RAD23B: variants seen among roughly 807,000 people sequenced by gnomAD.
RAD23B encodes the protein RAD23 nucleotide excision repair protein B, also known as lysine-specific demethylase RAD23B.
A neutral mutation model predicts 49.1 loss-of-function variants in RAD23B; 5 were observed. That is an observed-to-expected ratio of 0.10 (90% CI 0.05 to 0.21). The LOEUF is 0.21. Among genes scored for constraint, RAD23B ranks in the 10% least tolerant of loss-of-function variants. The pLI, the probability that RAD23B is intolerant of heterozygous loss-of-function variation, is 1.00. For missense variants in RAD23B, 356 were observed against 486.7 expected, an observed-to-expected ratio of 0.73 and a Z score of 2.53; for synonymous variants, 184 against 165.4, an observed-to-expected ratio of 1.11 and a Z score of -0.86.
At chr9:107,311,206 C>T (rs1254291222) in intron 4 of RAD23B, among the ~76,000 whole-genome samples, 1 of 152,150 alleles carries the variant, frequency 6.6e-6, no homozygotes, top group Admixed American at 6.5e-5. Flanking sequence ...TGAATATCTT[C>T]TTTCAGTGTC....
chr9:107,300,056 T>G, intron 1 of RAD23B, 85 bp from the exon 2 acceptor site: 1 of 1,472,372 alleles, frequency 6.8e-7, no homozygotes, highest in Non-Finnish European at 9.1e-7. Context: ...TGTATATAAT[T>G]TTTGTCTTCC....
At position 107,306,489 on chromosome 9, in the gene RAD23B, T is replaced by C; in HGVS notation, c.339T>C (p.Pro113=). 1 of 1,614,182 alleles carries C rather than the reference T, an allele frequency of 6.2e-7. No individual in the cohort carries two copies. The highest frequency in any genetic ancestry group is 8.5e-7 in the Non-Finnish European group (1 of 1,180,022). Residue 113 remains proline (P), a synonymous_variant, in exon 4 of 10, where the codon CCT becomes CCC. Coordinates refer to ENST00000358015, the MANE Select transcript of RAD23B (RefSeq NM_002874.5). The stretch of plus-strand genomic sequence containing the variant: ...CAACTGTGGCTCAGGCTCCAACCCC[T>C]GTCCCTGCCTTGGCCCCCACTTCCA... ...TTTTVAQAPT[P]VPALAPTSTP...
chr9:107,290,972 C>T (rs1564239758), intron 1 of RAD23B, among the ~76,000 whole-genome samples: 1 of 152,208 alleles, frequency 6.6e-6, no homozygotes, highest in African/African-American at 2.4e-5. Context: ...ACTACACCAT[C>T]TGTTCCCTGT....
rs540304447 is a variant in RAD23B at position 107,318,756 on chromosome 9, G to A, written c.558G>A (p.Thr186=). Residue 186 remains threonine, a synonymous_variant, in exon 6 of 10, where the codon ACG becomes ACA. Coordinates refer to ENST00000358015, the MANE Select transcript of RAD23B (RefSeq NM_002874.5). This position sits in a 1 kb window ranked among gnomAD's most constrained non-coding sequence, Gnocchi z 4.3. ...LFEDATSALV[T]GQSYENMVTE... ...CCCTCCACCCTCCCTTTTTAGTGAC[G>A]GGTCAGTCTTACGAGAATATGGTAA... 1.6e-4 allele frequency: 252 copies of A among 1,607,298 alleles called. No individual in the cohort carries two copies. Among genetic ancestry groups the A allele is most frequent in the Middle Eastern group, 3.3e-4 (2 of 6,038 alleles).
At chr9:107,317,846 C>T (rs945633855) in intron 5 of RAD23B, among the ~76,000 whole-genome samples, 2 of 152,020 alleles carry the variant, frequency 1.3e-5, no homozygotes, top group African/African-American at 4.8e-5. Flanking sequence ...GGAATATTAG[C>T]GCTTTGGGCA....
chr9:107,288,253 AT>A (rs1253146539), intron 1 of RAD23B, among the ~76,000 whole-genome samples: 1 of 152,164 alleles, frequency 6.6e-6, no homozygotes, highest in Non-Finnish European at 1.5e-5. Context: ...TTGCATGTTG[AT>A]TTATTTATTT....
intron 1 of RAD23B, among the ~76,000 whole-genome samples, chr9:107,298,562 C>T (rs4625087): frequency 0.74 from 108,652 of 146,034 alleles, 41,334 homozygotes; most frequent in African/African-American, 0.92. Context: ...AACTCCTGGC[C>T]TCAGGTGATC....
chr9:107,323,759 C>G, intron 7 of RAD23B, 131 bp from the exon 8 acceptor site: 1 of 904,618 alleles, frequency 1.1e-6, no homozygotes, highest in Non-Finnish European at 1.7e-6. Context: ...TCATTATTTA[C>G]TTCATTTTAT....
intron 3 of RAD23B, 116 bp downstream of exon 3, chr9:107,302,230 C>T (rs949521595): frequency 2.2e-6 from 3 of 1,347,190 alleles, no homozygotes; most frequent in African/African-American, 1.5e-5. Context: ...GTACACTTAA[C>T]TACTATGAAA....
Position 107,291,379 on chromosome 9 carries a change from T to A in RAD23B, c.66+7684T>A, listed in dbSNP as rs1040918622. Among the ~76,000 whole-genome samples the A allele has an allele frequency of 2.0e-5, 3 of 152,366 alleles. No homozygotes were observed. In the South Asian group the frequency reaches 6.2e-4, roughly 32 times the overall value. On this transcript the variant is annotated intron_variant, in intron 1 of 9. Coordinates refer to ENST00000358015, the MANE Select transcript of RAD23B (RefSeq NM_002874.5). Reference sequence around the variant, plus strand: ...ATTAAATTGGCATGAATTGGTTGGCTTAATTTCTGTGGGACAAATGGGTTT... The same window carrying A: ...ATTAAATTGGCATGAATTGGTTGGCATAATTTCTGTGGGACAAATGGGTTT...
At chr9:107,287,265 A>G (rs995794707) in intron 1 of RAD23B, among the ~76,000 whole-genome samples, 1 of 152,188 alleles carries the variant, frequency 6.6e-6, no homozygotes, top group African/African-American at 2.4e-5. Flanking sequence ...ATTTTATTGC[A>G]TCACTGAAAT....
At chr9:107,319,011 G>T in intron 6 of RAD23B, 132 bp downstream of exon 6, 1 of 800,902 alleles carries the variant, frequency 1.2e-6, no homozygotes, top group Non-Finnish European at 1.7e-6. Flanking sequence ...TTTTTTTCTA[G>T]TATGTTTGTA....
In RAD23B at chr9:107,318,717, T is replaced by A; in HGVS notation, c.554-35T>A. 1.3e-6 allele frequency: 2 copies of A among 1,580,606 alleles called. No individual in the cohort carries two copies. Among genetic ancestry groups the A allele is most frequent in the Non-Finnish European group, 1.7e-6 (2 of 1,154,778 alleles). On this transcript the variant is annotated intron_variant, in intron 5 of 9. Transcript: ENST00000358015. This position sits in a 1 kb window ranked among gnomAD's most constrained non-coding sequence, Gnocchi z 4.3. Reference sequence around the variant, plus strand: ...GTATAGAGAATGCTTATTTATTAAATGTTCCTTTTTTTCCCCTCCACCCTC... The same window carrying A: ...GTATAGAGAATGCTTATTTATTAAAAGTTCCTTTTTTTCCCCTCCACCCTC...
intron 9 of RAD23B, among the ~76,000 whole-genome samples, chr9:107,327,560 GT>G (rs1827231239): frequency 6.6e-6 from 1 of 152,088 alleles, no homozygotes; most frequent in African/African-American, 2.4e-5. Flanking sequence ...ATTTCCACAA[GT>G]TTATGAATTT....
chr9:107,284,084 A>G, intron 1 of RAD23B: 1 of 1,005,924 alleles, frequency 9.9e-7, no homozygotes, highest in African/African-American at 1.7e-5. Context: ...CGTCGCCACT[A>G]CCCCTGTGTG....
chr9:107,284,800 G>T, intron 1 of RAD23B: 1 of 1,203,958 alleles, frequency 8.3e-7, no homozygotes. Flanking sequence ...GTAGACCTGA[G>T]TTCCATTTGT....
chr9:107,306,332 AGT>A, intron 3 of RAD23B, 45 bp from the exon 4 acceptor site: 1 of 1,552,856 alleles, frequency 6.4e-7, no homozygotes, highest in Non-Finnish European at 8.8e-7. Context: ...GAGATCAGGC[AGT>A]ATGTAGTATT....
Position 107,283,703 on chromosome 9 carries a change from C to T in RAD23B, c.66+8C>T. Reference sequence around the variant, plus strand: ...ATTGACCCCGAGGAGACGGTATGCGCGCGGGCCGGGGGCAGGGGCAGCCGC... The same window carrying T: ...ATTGACCCCGAGGAGACGGTATGCGTGCGGGCCGGGGGCAGGGGCAGCCGC... On this transcript the variant is annotated splice_region_variant and intron_variant, in intron 1 of 9. Coordinates refer to ENST00000358015, the MANE Select transcript of RAD23B (RefSeq NM_002874.5). The T allele has an allele frequency of 1.4e-6, 2 of 1,462,904 alleles. No homozygotes were observed. Among genetic ancestry groups the T allele is most frequent in the Non-Finnish European group, 1.8e-6 (2 of 1,103,076 alleles). 90.6% of individuals were successfully genotyped at this position (1,462,904 alleles called of 1,614,324 possible).
At position 107,331,400 on chromosome 9, in the gene RAD23B, G is replaced by A; in HGVS notation, c.*1744G>A. 1 of 336,568 alleles carries A rather than the reference G, an allele frequency of 3.0e-6. No individual in the cohort carries two copies. Among genetic ancestry groups the A allele is most frequent in the Non-Finnish European group, 5.4e-6 (1 of 185,930 alleles). 20.8% of individuals were successfully genotyped at this position (336,568 alleles called of 1,614,324 possible). ...CGCCTGTGGTCCCAGCTACTTGGGA[G>A]GCTGAGGCATGAGAATTGCTTGAAC... On this transcript the variant is annotated 3_prime_UTR_variant, in exon 10 of 10. Coordinates refer to ENST00000358015, the MANE Select transcript of RAD23B (RefSeq NM_002874.5).
Sources: allele counts gnomAD v4.1 joint callset (sites outside exome capture counted in the v4.1 genomes callset), GRCh38; gene constraint gnomAD v4.1.1; non-coding constraint Gnocchi (gnomAD v3.1); transcripts MANE v1.5; gene names NCBI Gene and HGNC (gene_info 2026-07-23, HGNC 2026-07-21).